Variants in CCNL1 observed in about 807,000 individuals in gnomAD.
The protein encoded by CCNL1 is cyclin L1.
In CCNL1, 13 loss-of-function variants were observed where a neutral mutation model predicts 60.6. That is an observed-to-expected ratio of 0.21 (90% confidence interval 0.14 to 0.34). The LOEUF is 0.34. Among genes scored for constraint, CCNL1 ranks in the 10% least tolerant of loss-of-function variants. The probability of loss-of-function intolerance (pLI) is 1.00; values close to 1 mark genes in which losing one functional copy is unlikely to be tolerated. For synonymous variants in CCNL1, 270 were observed against 244.3 expected, an observed-to-expected ratio of 1.10 and a Z score of -0.98; for missense variants, 481 against 664.3, an observed-to-expected ratio of 0.72 and a Z score of 3.03.
At chr3:157,145,386 C>T (rs966227007), downstream of CCNL1, among the ~76,000 whole-genome samples, 7 of 132,578 alleles carry the variant, frequency 5.3e-5, no homozygotes, top group South Asian at 2.4e-4. Context: ...TGCAGTAACC[C>T]GAGATCGTGC....
At chr3:157,143,805 G>T (rs1274514546), downstream of CCNL1, among the ~76,000 whole-genome samples, 1 of 152,132 alleles carries the variant, frequency 6.6e-6, no homozygotes, top group Non-Finnish European at 1.5e-5. Context: ...TGGCAATAAA[G>T]GCTCAGGAAG....
intron 3 of CCNL1, among the ~76,000 whole-genome samples, chr3:157,155,299 G>A (rs1228277144): frequency 6.6e-6 from 1 of 152,108 alleles, no homozygotes; most frequent in African/African-American, 2.4e-5. Context: ...TTTAAGAACT[G>A]CCTTCAAATG....
At chr3:157,152,334 A>G in intron 4 of CCNL1, 93 bp from the exon 5 acceptor site, 1 of 1,540,060 alleles carries the variant, frequency 6.5e-7, no homozygotes, top group Non-Finnish European at 8.7e-7. Context: ...TGTTAGACTC[A>G]AGTTCTAATT....
chr3:157,145,262 CCGTCT>C (rs1737744816), downstream of CCNL1, among the ~76,000 whole-genome samples: 3 of 151,704 alleles, frequency 2.0e-5, no homozygotes, highest in Admixed American at 6.6e-5. Flanking sequence ...AGGTGAAACC[CCGTCT>C]CTACTAAAAA....
downstream of CCNL1, among the ~76,000 whole-genome samples, chr3:157,143,732 A>G (rs1413468681): frequency 3.3e-5 from 5 of 152,148 alleles, no homozygotes; most frequent in Admixed American, 1.3e-4. Context: ...CCCTCTGGAG[A>G]GGACTGCAGA....
intron 4 of CCNL1, chr3:157,152,694 G>A (rs1738285259): frequency 3.6e-6 from 4 of 1,118,622 alleles, no homozygotes; most frequent in Non-Finnish European, 4.4e-6. Context: ...ATGATGATAA[G>A]TGTGCCAGAT....
downstream of CCNL1, among the ~76,000 whole-genome samples, chr3:157,143,881 A>G (rs894654235): frequency 2.6e-5 from 4 of 152,324 alleles, 1 homozygote; most frequent in East Asian, 5.8e-4. Flanking sequence ...GGCATTTTAC[A>G]GAGTGATATG....
At chr3:157,153,007 G>A (rs756982270) in intron 4 of CCNL1, 29 bp downstream of exon 4, 26 of 1,608,240 alleles carry the variant, frequency 1.6e-5, no homozygotes, top group African/African-American at 1.5e-4. Flanking sequence ...TAATACTTAC[G>A]AACCCAATTT....
In CCNL1 at chr3:157,159,891, T is replaced by A; in HGVS notation, c.204A>T (p.Pro68=). Residue 68 remains proline, a synonymous_variant, in exon 1 of 11, where the codon CCA becomes CCT. Transcript: ENST00000295926. ...LIPEERLSPT[P]SMQDGLDLPS... ...GCAGGTCGAGCCCATCCTGCATGGA[T>A]GGGGTGGGCGAGAGCCTCTCCTCCG... 1 of 1,604,086 alleles carries A rather than the reference T, an allele frequency of 6.2e-7. No homozygotes were observed. Among genetic ancestry groups the A allele is most frequent in the Non-Finnish European group, 8.5e-7 (1 of 1,175,438 alleles).
At chr3:157,155,243 C>G (rs1360144599) in intron 3 of CCNL1, among the ~76,000 whole-genome samples, 4 of 152,140 alleles carry the variant, frequency 2.6e-5, no homozygotes, top group Non-Finnish European at 5.9e-5. Flanking sequence ...TCTCATTTTT[C>G]TCCATTTGTT....
chr3:157,146,609 TAA>T (rs67249134), downstream of CCNL1: 4,528 of 272,796 alleles, frequency 0.017, no homozygotes, highest in South Asian at 0.032. Flanking sequence ...ACCTCGTCTC[TAA>T]AAAAAAAAAA....
chr3:157,146,447 C>A, downstream of CCNL1: 1 of 420,570 alleles, frequency 2.4e-6, no homozygotes, highest in Non-Finnish European at 4.7e-6. Flanking sequence ...CCCATCTTCA[C>A]AAACAACCCT....
intron 5 of CCNL1, chr3:157,151,406 C>T: frequency 1.0e-6 from 1 of 985,724 alleles, no homozygotes; most frequent in East Asian, 1.1e-4. Flanking sequence ...CTCAAGAAGT[C>T]CAAGTGCTAA....
intron 5 of CCNL1, chr3:157,150,924 T>A: frequency 2.0e-6 from 2 of 982,338 alleles, no homozygotes; most frequent in South Asian, 4.7e-5. Flanking sequence ...TAAAGAGCAA[T>A]AAACACATAT....
chr3:157,149,110 C>T (rs187145488), intron 10 of CCNL1, 177 bp downstream of exon 10: 12 of 596,134 alleles, frequency 2.0e-5, no homozygotes, highest in African/African-American at 1.7e-4. Context: ...TAACAGAATG[C>T]CATTAAGATA....
chr3:157,148,878 TGAAGAGCCAC>T (rs762545896), intron 10 of CCNL1: 2 of 385,932 alleles, frequency 5.2e-6, no homozygotes, highest in African/African-American at 2.1e-5. Flanking sequence ...CAAAAGACAT[TGAAGAGCCAC>T]GAAGAGCTAA....
chr3:157,149,670 C>T, intron 8 of CCNL1, 74 bp from the exon 9 acceptor site: 2 of 1,488,932 alleles, frequency 1.3e-6, no homozygotes, highest in Non-Finnish European at 1.8e-6. Context: ...CTAAATGTAA[C>T]TCAAAGTACC....
At chr3:157,153,330 T>C (rs1738341529) in intron 3 of CCNL1, 174 bp from the exon 4 acceptor site, 3 of 554,654 alleles carry the variant, frequency 5.4e-6, no homozygotes, top group African/African-American at 1.9e-5. Context: ...TAATTAAATA[T>C]ATACATCTAC....
At chr3:157,159,219 G>A (rs2108142217) in intron 2 of CCNL1, 186 bp downstream of exon 2, 1 of 649,852 alleles carries the variant, frequency 1.5e-6, no homozygotes, top group East Asian at 2.7e-5. Flanking sequence ...TCGTTAAGAG[G>A]GCACTTAGGC....
Sources: gnomAD v4.1 joint callset for allele counts (sites outside exome capture counted in the v4.1 genomes callset) on GRCh38, gnomAD v4.1.1 for gene constraint, MANE v1.5 for transcripts, NCBI Gene and HGNC (gene_info 2026-07-23, HGNC 2026-07-21) for gene names.